FAM193A: variants seen among roughly 807,000 people sequenced by gnomAD.
FAM193A encodes protein FAM193A.
In FAM193A, 22 loss-of-function variants were observed where a neutral mutation model predicts 126.5. The ratio of observed to expected loss-of-function variants is 0.17; its 90% CI spans 0.12 to 0.25. The LOEUF is 0.25. Among genes scored for constraint, FAM193A ranks in the 10% least tolerant of loss-of-function variants. The pLI is 1.00. For synonymous variants in FAM193A, 761 were observed against 646.8 expected (o/e 1.18, Z -2.68); for missense variants, 1,675 against 1,672.8 (o/e 1.00, Z -0.02).
At chr4:2,653,463 TAGAC>T (rs1403421887) in intron 7 of FAM193A, among the ~76,000 whole-genome samples, 2 of 152,176 alleles carry the variant, frequency 1.3e-5, no homozygotes, top group African/African-American at 2.4e-5. Context: ...TATTTTTTTT[TAGAC>T]AGAGTCTCTC....
At chr4:2,695,235 G>C (rs920764930) in intron 17 of FAM193A, 106 bp downstream of exon 17, 5 of 874,590 alleles carry the variant, frequency 5.7e-6, no homozygotes, top group South Asian at 4.6e-5. Context: ...TCCACTTCTA[G>C]GGTATATCCA....
Position 2,593,075 on chromosome 4 carries a change from CTA to C in FAM193A, c.256-3007_256-3006del, listed in dbSNP as rs149567939. ...ACCAGACTCTTCCCAAACAACCCTCCTATGGCCCATGACGAAGCTCAGATACT... is the reference window on the plus strand; with the variant it reads ...ACCAGACTCTTCCCAAACAACCCTCCTGGCCCATGACGAAGCTCAGATACT... On this transcript the variant is annotated intron_variant, in intron 1 of 20. Transcript: ENST00000637812. Among the ~76,000 whole-genome samples, 1,419 of 152,306 alleles carry C rather than the reference CTA, an allele frequency of 9.3e-3. 11 individuals are homozygous for C. The highest frequency in any genetic ancestry group is 0.02 in the Middle Eastern group (6 of 294).
chr4:2,644,171 C>G (rs1744906581), intron 6 of FAM193A, among the ~76,000 whole-genome samples: 1 of 152,182 alleles, frequency 6.6e-6, no homozygotes, highest in African/African-American at 2.4e-5. Context: ...AAGCCCTGTG[C>G]CTGCAGATTG....
intron 19 of FAM193A, among the ~76,000 whole-genome samples, chr4:2,705,807 A>G (rs1011113648): frequency 1.3e-5 from 2 of 151,748 alleles, no homozygotes; most frequent in Non-Finnish European, 2.9e-5. Flanking sequence ...TTAGCTGGCT[A>G]TAACTCCTGG....
chr4:2,615,358 C>G (rs559138237), intron 2 of FAM193A: 1 of 152,194 alleles, frequency 6.6e-6, no homozygotes, highest in African/African-American at 2.4e-5. Context: ...AAAATTTGCA[C>G]CAATCACACA....
At chr4:2,653,471 GTC>G (rs1486856207) in intron 7 of FAM193A, among the ~76,000 whole-genome samples, 4 of 152,042 alleles carry the variant, frequency 2.6e-5, no homozygotes, top group Non-Finnish European at 4.4e-5. Context: ...TTTAGACAGA[GTC>G]TCTCTCTGTC....
intron 13 of FAM193A, among the ~76,000 whole-genome samples, chr4:2,681,969 A>AG (rs200443999): frequency 0.023 from 3,022 of 134,186 alleles, 104 homozygotes; most frequent in African/African-American, 0.081. Flanking sequence ...TTAACTTCTC[A>AG]GGGTTTTTTT....
At chr4:2,627,993 C>T (rs1006406678) in intron 4 of FAM193A, among the ~76,000 whole-genome samples, 9 of 152,040 alleles carry the variant, frequency 5.9e-5, no homozygotes, top group African/African-American at 1.2e-4. Context: ...CTGCCCGCCT[C>T]GGCCTCCCAA....
At chr4:2,558,573 G>T (rs1178644027) in intron 1 of FAM193A, among the ~76,000 whole-genome samples, 2 of 152,184 alleles carry the variant, frequency 1.3e-5, no homozygotes, top group African/African-American at 4.8e-5. Flanking sequence ...GGGGGGATGA[G>T]ATCTTGTATG....
intron 15 of FAM193A, among the ~76,000 whole-genome samples, chr4:2,692,591 G>A (rs1716524494): frequency 6.6e-6 from 1 of 152,182 alleles, no homozygotes; most frequent in African/African-American, 2.4e-5. Flanking sequence ...AATATTTGCA[G>A]GATTTGTGCC....
chr4:2,690,318 C>T (rs1251437010), intron 14 of FAM193A, among the ~76,000 whole-genome samples: 2 of 152,174 alleles, frequency 1.3e-5, no homozygotes, highest in Admixed American at 6.5e-5. Context: ...CCTGCATGTG[C>T]CAGAACAGCA....
chr4:2,704,108 C>G (rs1718041033), intron 19 of FAM193A, among the ~76,000 whole-genome samples: 1 of 150,034 alleles, frequency 6.7e-6, no homozygotes, highest in South Asian at 2.1e-4. Context: ...ACTAAAAATA[C>G]AAAAATCAGT....
At chr4:2,584,696 G>C (rs1740136071) in intron 1 of FAM193A, among the ~76,000 whole-genome samples, 1 of 152,120 alleles carries the variant, frequency 6.6e-6, no homozygotes, top group African/African-American at 2.4e-5. Context: ...GGAGGCCGAG[G>C]TGGGCAGATC....
At chr4:2,721,839 A>T (rs988399043) in intron 20 of FAM193A, among the ~76,000 whole-genome samples, 3 of 152,216 alleles carry the variant, frequency 2.0e-5, no homozygotes, top group Non-Finnish European at 2.9e-5. Context: ...GGCGGGGCAA[A>T]CGTGAGGCAA....
At chr4:2,713,035 G>T (rs1719153458) in intron 19 of FAM193A, among the ~76,000 whole-genome samples, 2 of 151,300 alleles carry the variant, frequency 1.3e-5, no homozygotes, top group Non-Finnish European at 2.9e-5. Flanking sequence ...AACCTGGGAG[G>T]TGGAGGTTGC....
At chr4:2,568,973 CTTT>C (rs753557878) in intron 1 of FAM193A, among the ~76,000 whole-genome samples, 9 of 90,726 alleles carry the variant, frequency 9.9e-5, no homozygotes, top group African/African-American at 2.8e-4. Context: ...TGTTGTTTTG[CTTT>C]TTTTTTTTTT....
In FAM193A at chr4:2,611,930, G is replaced by A. The variant is rs531328584; in HGVS notation, c.502-13332G>A. On this transcript the variant is annotated intron_variant, in intron 2 of 20. Transcript: ENST00000637812. ...CGGCTCACTGCAAGCTCCGCCTCCC[G>A]GGTTCACACCATTCTCCTGCCTCAG... is the stretch of plus-strand genomic sequence containing the variant. Among the ~76,000 whole-genome samples the A allele has an allele frequency of 4.1e-3, 612 of 149,610 alleles. 4 individuals are homozygous for A. Among genetic ancestry groups the A allele is most frequent in the African/African-American group, 0.015 (593 of 40,494 alleles).
chr4:2,695,798 G>A (rs1400482597), intron 17 of FAM193A, among the ~76,000 whole-genome samples: 1 of 152,168 alleles, frequency 6.6e-6, no homozygotes, highest in Non-Finnish European at 1.5e-5. Flanking sequence ...GCCAAGCATA[G>A]TGGCTTATGC....
chr4:2,558,365 T>C (rs1337706401), intron 1 of FAM193A, among the ~76,000 whole-genome samples: 1 of 152,158 alleles, frequency 6.6e-6, no homozygotes, highest in Non-Finnish European at 1.5e-5. Flanking sequence ...TAGGTGAAAG[T>C]AGCCCACCAA....
Sources: allele counts gnomAD v4.1 joint callset (sites outside exome capture counted in the v4.1 genomes callset), GRCh38; gene constraint gnomAD v4.1.1; transcripts MANE v1.5; gene names NCBI Gene and HGNC (gene_info 2026-07-23, HGNC 2026-07-21).